KLRG2: variants seen among roughly 807,000 people sequenced by gnomAD.
The protein encoded by KLRG2 is killer cell lectin like receptor G2, also known as killer cell lectin-like receptor subfamily G member 2.
Under a neutral mutation model 35.4 loss-of-function variants are expected in KLRG2, and 39 were observed. The ratio of observed to expected loss-of-function variants is 1.10; its 90% CI spans 0.85 to 1.44. KLRG2 has a LOEUF of 1.44. Among genes scored for constraint, KLRG2 ranks in the 40% most tolerant of loss-of-function variants. The pLI is 0.00. For missense variants in KLRG2, 632 were observed against 570.9 expected (o/e 1.11, Z -1.09); for synonymous variants, 283 against 265.8 (o/e 1.06, Z -0.63).
Position 139,479,781 on chromosome 7 carries a change from A to C in KLRG2, c.860-9T>G. 1 of 1,612,518 alleles carries C rather than the reference A, an allele frequency of 6.2e-7. No individual in the cohort carries two copies. Among genetic ancestry groups the C allele is most frequent in the Non-Finnish European group, 8.5e-7 (1 of 1,179,278 alleles). On this transcript the variant is annotated splice_polypyrimidine_tract_variant and intron_variant, in intron 2 of 4. Coordinates refer to ENST00000340940, the MANE Select transcript of KLRG2 (RefSeq NM_198508.4). ...CTGCTGGCATCTGGCTCCTGCAAGC[A>C]CAGAGACTGCTGGTGAGCTGCAGGG...
chr7:139,448,412 A>C (rs1034426009), downstream of KLRG2, among the ~76,000 whole-genome samples: 1 of 152,240 alleles, frequency 6.6e-6, no homozygotes, highest in Non-Finnish European at 1.5e-5. Flanking sequence ...TGATAAATTT[A>C]GAGATTTGTC....
At chr7:139,457,534 C>T (rs926770449) in intron 3 of KLRG2, among the ~76,000 whole-genome samples, 9 of 152,210 alleles carry the variant, frequency 5.9e-5, no homozygotes, top group Non-Finnish European at 1.0e-4. Flanking sequence ...TATAAAGCCA[C>T]GGCCACCTAG....
the KLRG2 span, among the ~76,000 whole-genome samples, chr7:139,434,776 G>A: frequency 1.3e-5 from 2 of 152,166 alleles, no homozygotes; most frequent in African/African-American, 4.8e-5. Context: ...TGCGGCGCGG[G>A]CGGCCAGGAG....
At chr7:139,455,764 C>A (rs959372644) in intron 3 of KLRG2, among the ~76,000 whole-genome samples, 1 of 152,128 alleles carries the variant, frequency 6.6e-6, no homozygotes, top group Non-Finnish European at 1.5e-5. Context: ...AAGAGCAGCA[C>A]CACCACTCCT....
chr7:139,447,018 T>C, the KLRG2 span, among the ~76,000 whole-genome samples: 1 of 145,570 alleles, frequency 6.9e-6, no homozygotes, highest in Admixed American at 6.7e-5. Context: ...CTCAGCTCTT[T>C]TGACAGGACC....
chr7:139,433,883 G>A, the KLRG2 span, among the ~76,000 whole-genome samples: 4 of 152,136 alleles, frequency 2.6e-5, no homozygotes, highest in East Asian at 1.9e-4. Flanking sequence ...GTGATCCCCC[G>A]CCTCGGCCTC....
Position 139,483,419 on chromosome 7 carries a change from G to C in KLRG2, c.224C>G (p.Pro75Arg), listed in dbSNP as rs865980814. 3 of 1,555,428 alleles carry C rather than the reference G, an allele frequency of 1.9e-6. No individual in the cohort carries two copies. Among genetic ancestry groups the C allele is most frequent in the African/African-American group, 2.8e-5 (2 of 70,998 alleles). The change falls in exon 1 of 5, where the codon CCC (proline) becomes CGC (arginine). Residue 75 changes from proline to arginine, a missense_variant. Physicochemically the swap from Pro to Arg is moderately radical, Grantham distance 103. Transcript: ENST00000340940. ...GAGCGGCGGCACGCGCGGGGACCCG[G>C]GGCGAGGCGAAGGCGGCTTTTTCTT... ...SSKKKPPSPR[P>R]GSPRVPPLSL...
the KLRG2 span, among the ~76,000 whole-genome samples, chr7:139,435,400 G>T: frequency 6.6e-6 from 1 of 152,168 alleles, no homozygotes; most frequent in Non-Finnish European, 1.5e-5. Context: ...TGAGGCAGGA[G>T]AATCGCTTGA....
the KLRG2 span, among the ~76,000 whole-genome samples, chr7:139,440,527 G>A: frequency 2.0e-5 from 3 of 150,134 alleles, no homozygotes; most frequent in Admixed American, 6.7e-5. Context: ...AAAGTGTTGG[G>A]ATTACAGGTG....
Position 139,474,458 on chromosome 7 carries a change from T to C in KLRG2, c.1005+5169A>G, listed in dbSNP as rs146594716. 1.2e-3 allele frequency among the ~76,000 whole-genome samples: 189 copies of C among 152,288 alleles called. 1 individual carries two copies. The highest frequency in any genetic ancestry group is 4.1e-3 in the African/African-American group (169 of 41,558). On this transcript the variant is annotated intron_variant, in intron 3 of 4. Coordinates refer to ENST00000340940, the MANE Select transcript of KLRG2 (RefSeq NM_198508.4). The stretch of plus-strand genomic sequence containing the variant: ...ATCTATGTCTCTATCTCCATATCTC[T>C]ATCTAAAATAATGTTTTTGGCTGGG...
downstream of KLRG2, among the ~76,000 whole-genome samples, chr7:139,449,903 C>A (rs554530878): frequency 1.5e-4 from 23 of 150,588 alleles, no homozygotes; most frequent in South Asian, 1.7e-3. Flanking sequence ...GGGTTTCATC[C>A]TGTTAGCCAG....
intron 3 of KLRG2, among the ~76,000 whole-genome samples, chr7:139,468,501 C>T (rs186419828): frequency 2.0e-5 from 3 of 152,248 alleles, no homozygotes; most frequent in Admixed American, 2.0e-4. Context: ...TGTAATTTTC[C>T]ACTACCCACC....
intron 3 of KLRG2, among the ~76,000 whole-genome samples, chr7:139,467,171 G>T (rs556495993): frequency 1.3e-5 from 2 of 151,990 alleles, no homozygotes; most frequent in Admixed American, 1.3e-4. Flanking sequence ...AATCCCGCTC[G>T]AAGCAGCCCT....
rs892455272 is a variant in KLRG2, at chr7:139,480,439, CTTTTT to C, written c.758-197_758-193del. 1.2e-4 allele frequency among the ~76,000 whole-genome samples: 10 copies of C among 85,198 alleles called. 1 individual carries two copies. The Admixed American group carries it at 1.3e-3, about 11-fold the overall frequency. The allele number at this position is 85,198 out of a possible 152,430, so 55.9% of individuals were successfully genotyped here. A position where few individuals can be genotyped will look rare whatever the true frequency, so the allele number is the denominator to read the frequency against. The stretch of plus-strand genomic sequence containing the variant: ...ATTCTGGAGAAAGAAGCCAGATATT[CTTTTT>C]TTTTTTTTTTTTTTTTTTGGAGACA... On this transcript the variant is annotated intron_variant, in intron 1 of 4. Coordinates refer to ENST00000340940, the MANE Select transcript of KLRG2 (RefSeq NM_198508.4).
At chr7:139,479,554 G>T in intron 3 of KLRG2, 73 bp downstream of exon 3, 2 of 1,439,938 alleles carry the variant, frequency 1.4e-6, no homozygotes, top group East Asian at 2.3e-5. Flanking sequence ...CAATCATTAA[G>T]CTTCTTTCCA....
At chr7:139,461,969 A>G (rs1425274811) in intron 3 of KLRG2, among the ~76,000 whole-genome samples, 1 of 152,172 alleles carries the variant, frequency 6.6e-6, no homozygotes, top group East Asian at 1.9e-4. Flanking sequence ...CCCAAGGAAC[A>G]TCTCACCAAT....
chr7:139,455,667 G>C (rs887019530), intron 3 of KLRG2, among the ~76,000 whole-genome samples: 1 of 152,170 alleles, frequency 6.6e-6, no homozygotes, highest in African/African-American at 2.4e-5. Context: ...TTAAGTCCCA[G>C]GGTGGGGACG....
downstream of KLRG2, among the ~76,000 whole-genome samples, chr7:139,449,741 C>T (rs1796348080): frequency 6.9e-6 from 1 of 144,422 alleles, no homozygotes; most frequent in Non-Finnish European, 1.5e-5. Context: ...CCTCTGTCAC[C>T]CAGGCTGGAG....
intron 3 of KLRG2, among the ~76,000 whole-genome samples, chr7:139,462,456 C>T (rs889691217): frequency 3.3e-5 from 5 of 152,026 alleles, no homozygotes; most frequent in African/African-American, 1.2e-4. Context: ...ACCTTCTCTC[C>T]GTGTCTCTAC....
Sources: allele counts gnomAD v4.1 joint callset (sites outside exome capture counted in the v4.1 genomes callset), GRCh38; gene constraint gnomAD v4.1.1; transcripts MANE v1.5; gene names NCBI Gene and HGNC (gene_info 2026-07-23, HGNC 2026-07-21).